Variants in ARHGAP35 observed in about 807,000 individuals in gnomAD.
ARHGAP35 encodes rho GTPase-activating protein 35.
ARHGAP35 carries 15 observed loss-of-function variants against 111.1 expected under a neutral mutation model. The ratio of observed to expected loss-of-function variants is 0.13; its 90% CI spans 0.09 to 0.21. The LOEUF (loss-of-function observed/expected upper bound fraction) is 0.21. ARHGAP35 is among the 10% of genes least tolerant of loss of function. ARHGAP35 has a pLI of 1.00. For synonymous variants in ARHGAP35, 643 were observed against 710.3 expected (o/e 0.91, Z 1.51); for missense variants, 1,262 against 1,873.0 (o/e 0.67, Z 6.02).
intron 1 of ARHGAP35, among the ~76,000 whole-genome samples, chr19:46,898,975 T>G (rs1438155195): frequency 3.3e-5 from 5 of 152,234 alleles, no homozygotes; most frequent in Admixed American, 3.3e-4. Context: ...AAAAGTGGTG[T>G]TATCCTTCCA....
intron 3 of ARHGAP35, among the ~76,000 whole-genome samples, chr19:46,980,155 T>C (rs949858973): frequency 2.6e-5 from 4 of 151,952 alleles, no homozygotes; most frequent in African/African-American, 9.7e-5. Flanking sequence ...GAGGCAAAGG[T>C]GGGCGGACCA....
At chr19:46,879,161 A>G (rs1354503625) in intron 1 of ARHGAP35, among the ~76,000 whole-genome samples, 1 of 152,216 alleles carries the variant, frequency 6.6e-6, no homozygotes, top group Non-Finnish European at 1.5e-5. Flanking sequence ...TCCATCTTAA[A>G]AAATTGCTGG....
intron 1 of ARHGAP35, among the ~76,000 whole-genome samples, chr19:46,883,396 C>G (rs886913430): frequency 2.0e-5 from 3 of 152,036 alleles, no homozygotes; most frequent in Non-Finnish European, 4.4e-5. Context: ...CCACTGTGCC[C>G]GGCCAATTGG....
chr19:46,874,708 T>C (rs755126551), intron 1 of ARHGAP35, among the ~76,000 whole-genome samples: 1 of 151,448 alleles, frequency 6.6e-6, no homozygotes, highest in Non-Finnish European at 1.5e-5. Context: ...TTTCACCTTA[T>C]TGGTCAGGCT....
intron 3 of ARHGAP35, among the ~76,000 whole-genome samples, chr19:46,943,901 T>C (rs311371): frequency 0.61 from 93,342 of 151,990 alleles, 29,136 homozygotes; most frequent in Middle Eastern, 0.8. Flanking sequence ...GTGGAGAAGA[T>C]GAGCGAGACC....
intron 2 of ARHGAP35, among the ~76,000 whole-genome samples, chr19:46,932,503 T>C (rs961962262): frequency 6.6e-6 from 1 of 152,086 alleles, no homozygotes; most frequent in Non-Finnish European, 1.5e-5. Flanking sequence ...ACTGGGGGCA[T>C]GAGATATCTG....
At position 46,861,011 on chromosome 19, in the gene ARHGAP35, C is replaced by T. The variant is rs2055822016; in HGVS notation, c.-387C>T. ...CCCCGCCCCCCGCCCCGAGGGAGAG[C>T]CGCGGCGCGGCGGCAGGAGGAGGTG... On this transcript the variant is annotated 5_prime_UTR_variant, in exon 1 of 7. Transcript: ENST00000672722. 6.7e-6 allele frequency among the ~76,000 whole-genome samples: 1 copy of T among 150,290 alleles called. No individual in the cohort carries two copies. The highest frequency in any genetic ancestry group is 6.6e-5 in the Admixed American group (1 of 15,190).
chr19:46,916,839 T>C (rs372362323), intron 1 of ARHGAP35, among the ~76,000 whole-genome samples: 3 of 152,194 alleles, frequency 2.0e-5, no homozygotes, highest in Admixed American at 1.3e-4. Flanking sequence ...ATTATGGCCC[T>C]TCCCCTCAAA....
chr19:46,923,920 C>CAAA (rs34789986), intron 2 of ARHGAP35, among the ~76,000 whole-genome samples: 1 of 112,120 alleles, frequency 8.9e-6, no homozygotes, highest in East Asian at 2.4e-4. Context: ...GACTCTGTCT[C>CAAA]AAAAAAAAAA....
In ARHGAP35 at chr19:46,920,161, CT is replaced by C. The variant is rs1425252654; in HGVS notation, c.1490del (p.Leu497TrpfsTer49). On this transcript the variant is annotated frameshift_variant, in exon 2 of 7. Coordinates refer to ENST00000672722, the MANE Select transcript of ARHGAP35 (RefSeq NM_004491.5). LOFTEE classifies it high-confidence loss of function. This position sits in a 1 kb window ranked among gnomAD's most constrained non-coding sequence, Gnocchi z 7.0. ...DKAKEEFQEL[L>X]LEYSELFYEL... ...AGCAAAGGAAGAATTTCAGGAGTTGCTTTTGGAATATTCAGAATTGTTTTAT... is the reference window on the plus strand; with the variant it reads ...AGCAAAGGAAGAATTTCAGGAGTTGCTTTGGAATATTCAGAATTGTTTTAT... 1 of 1,613,798 alleles carries C rather than the reference CT, an allele frequency of 6.2e-7. No individual in the cohort carries two copies. Among genetic ancestry groups the C allele is most frequent in the Non-Finnish European group, 8.5e-7 (1 of 1,179,896 alleles).
intron 1 of ARHGAP35, among the ~76,000 whole-genome samples, 83 bp downstream of exon 1, chr19:46,861,292 G>A (rs1377367287): frequency 6.6e-6 from 1 of 150,850 alleles, no homozygotes; most frequent in African/African-American, 2.4e-5. Context: ...GGGGACGGCG[G>A]GGCCCGGAGC....
chr19:46,939,761 T>C (rs1229825237), intron 3 of ARHGAP35, among the ~76,000 whole-genome samples: 3 of 152,078 alleles, frequency 2.0e-5, no homozygotes, highest in African/African-American at 7.2e-5. Flanking sequence ...AAAAACATTC[T>C]CTTATAGAAC....
In ARHGAP35 at chr19:46,994,543, C is replaced by T. The variant is rs748392372; in HGVS notation, c.4037-4761C>T. Among the ~76,000 whole-genome samples, 4 of 152,148 alleles carry T rather than the reference C, an allele frequency of 2.6e-5. No individual in the cohort carries two copies. The highest frequency in any genetic ancestry group is 5.9e-5 in the Non-Finnish European group (4 of 68,022). ...TGGAGCGGGATAGCCCAGTCAGCAC[C>T]GTGCTCAGCAAGTAGCAGCCAGCCA... is the stretch of plus-strand genomic sequence containing the variant. On this transcript the variant is annotated intron_variant, in intron 5 of 6. Transcript: ENST00000672722. This position sits in a 1 kb window ranked among gnomAD's most constrained non-coding sequence, Gnocchi z 5.4.
chr19:46,873,898 G>A (rs973190506), intron 1 of ARHGAP35, among the ~76,000 whole-genome samples: 1 of 151,956 alleles, frequency 6.6e-6, no homozygotes, highest in Non-Finnish European at 1.5e-5. Context: ...ACAGGCATGC[G>A]CCACCACCCT....
In ARHGAP35 at chr19:46,920,612, T is replaced by G. The variant is rs773342058; in HGVS notation, c.1937T>G (p.Leu646Arg). The change falls in exon 2 of 7, where the codon CTT becomes CGT. Residue 646 changes from leucine to arginine, a missense_variant. Around this residue, in one of 8 missense-constraint regions of ARHGAP35, gnomAD observed 37 missense variants for 83.9 expected, o/e 0.44. Coordinates refer to ENST00000672722, the MANE Select transcript of ARHGAP35 (RefSeq NM_004491.5). This position sits in a 1 kb window ranked among gnomAD's most constrained non-coding sequence, Gnocchi z 7.0. ...SLRPIEGNVR[L>R]PVNSFQTPTF... ...AGGCCAATAGAGGGGAATGTCAGGC[T>G]TCCTGTGAACTCTTTCCAGACGCCA... 5 of 1,613,922 alleles carry G rather than the reference T, an allele frequency of 3.1e-6. No individual in the cohort carries two copies. Among genetic ancestry groups the G allele is most frequent in the Non-Finnish European group, 4.2e-6 (5 of 1,179,918 alleles).
intron 1 of ARHGAP35, among the ~76,000 whole-genome samples, chr19:46,888,523 T>A (rs907301619): frequency 6.7e-6 from 1 of 149,996 alleles, no homozygotes; most frequent in East Asian, 2.0e-4. Context: ...CTCAGCACCA[T>A]AAAGGTGAGA....
chr19:46,877,924 T>C (rs1435407380), intron 1 of ARHGAP35, among the ~76,000 whole-genome samples: 1 of 152,100 alleles, frequency 6.6e-6, no homozygotes, highest in Non-Finnish European at 1.5e-5. Flanking sequence ...GCCAAGCTGG[T>C]CTCGAACTCC....
At chr19:46,967,760 C>T (rs2056523475) in intron 3 of ARHGAP35, among the ~76,000 whole-genome samples, 1 of 152,238 alleles carries the variant, frequency 6.6e-6, no homozygotes, top group African/African-American at 2.4e-5. Flanking sequence ...CAGATTAAAA[C>T]TACGCACAGT....
Position 47,000,949 on chromosome 19 carries a change from C to T in ARHGAP35, c.*261C>T. Reference sequence around the variant, plus strand: ...GGCAGGCAATGGCTCCAGTGCCCTCCCTCTGTTCCCTGGACCACCACCCCA... The same window carrying T: ...GGCAGGCAATGGCTCCAGTGCCCTCTCTCTGTTCCCTGGACCACCACCCCA... On this transcript the variant is annotated 3_prime_UTR_variant, in exon 7 of 7. Transcript: ENST00000672722. The surrounding 1 kb of genome is among the most constrained non-coding windows in gnomAD (Gnocchi z 6.9). 1 of 1,521,000 alleles carries T rather than the reference C, an allele frequency of 6.6e-7. No individual in the cohort carries two copies. Among genetic ancestry groups the T allele is most frequent in the Non-Finnish European group, 8.8e-7 (1 of 1,137,414 alleles). 94.2% of individuals were successfully genotyped at this position (1,521,000 alleles called of 1,614,324 possible). A position where few individuals can be genotyped will look rare whatever the true frequency, so the allele number is the denominator to read the frequency against.
Sources: gnomAD v4.1 joint callset for allele counts (sites outside exome capture counted in the v4.1 genomes callset) on GRCh38, gnomAD v4.1.1 for gene constraint, gnomAD v4.1.1 regional missense constraint, Gnocchi (gnomAD v3.1) non-coding constraint, MANE v1.5 for transcripts, NCBI Gene and HGNC (gene_info 2026-07-23, HGNC 2026-07-21) for gene names.